LVRN: variants seen among roughly 807,000 people sequenced by gnomAD.
The protein encoded by LVRN is aminopeptidase Q.
LVRN carries 99 observed loss-of-function variants against 111.4 expected under a neutral mutation model. That is an observed-to-expected ratio of 0.89 (90% CI 0.76 to 1.05). The LOEUF is 1.05. LVRN is among the 50% of genes least tolerant of loss of function. The probability of loss-of-function intolerance (pLI) is 0.00; values close to 1 mark genes in which losing one functional copy is unlikely to be tolerated. For missense variants in LVRN, 1,414 were observed against 1,206.8 expected (o/e 1.17, Z -2.54); for synonymous variants, 488 against 449.5 (o/e 1.09, Z -1.08).
At chr5:116,014,383 G>C (rs999019054) in intron 15 of LVRN, 37 bp from the exon 16 acceptor site, 15 of 1,482,962 alleles carry the variant, frequency 1.0e-5, no homozygotes, top group African/African-American at 1.4e-5. Context: ...AGGTGGTAAT[G>C]CAAAATAAAC....
In LVRN at chr5:115,983,291, C is replaced by T. The variant is rs772139459; in HGVS notation, c.700C>T (p.Leu234=). ...VYTDQGERRA[L]LASQLEPTFA... ...TTTCCCCAAAATGTATTTCAGGGCC[C>T]TGTTAGCGTCCCAGCTGGAACCAAC... The change falls in exon 2 of 20, where the codon CTG becomes TTG. Residue 234 remains leucine (L), a synonymous_variant. Transcript: ENST00000357872. 3.2e-6 allele frequency: 5 copies of T among 1,582,656 alleles called. No homozygotes were observed. Among genetic ancestry groups the T allele is most frequent in the Admixed American group, 2.0e-5 (1 of 51,078 alleles).
intron 1 of LVRN, among the ~76,000 whole-genome samples, chr5:115,967,115 T>C (rs1280748484): frequency 3.3e-5 from 5 of 152,210 alleles, no homozygotes; most frequent in Non-Finnish European, 5.9e-5. Context: ...CTTAGTAAGG[T>C]CTTTCAGAGA....
chr5:115,992,351 C>T (rs984424687), intron 5 of LVRN, 74 bp downstream of exon 5: 2 of 1,489,396 alleles, frequency 1.3e-6, no homozygotes, highest in African/African-American at 2.8e-5. Flanking sequence ...GCATAAAAAC[C>T]CCAGTAAGAC....
intron 1 of LVRN, among the ~76,000 whole-genome samples, chr5:115,972,533 C>T (rs535822821): frequency 2.0e-5 from 3 of 151,570 alleles, no homozygotes. Context: ...GTCATACTGT[C>T]TTGAATAAAG....
chr5:115,964,256 C>G (rs1561551076), intron 1 of LVRN, among the ~76,000 whole-genome samples: 1 of 152,136 alleles, frequency 6.6e-6, no homozygotes, highest in East Asian at 1.9e-4. Flanking sequence ...GTACTTTGCC[C>G]TTTATTATTA....
At chr5:115,994,376 A>G (rs551680376) in intron 6 of LVRN, among the ~76,000 whole-genome samples, 26 of 152,238 alleles carry the variant, frequency 1.7e-4, no homozygotes, top group African/African-American at 6.3e-4. Flanking sequence ...GGGCTCAAGC[A>G]GTCCTCCCAC....
intron 1 of LVRN, among the ~76,000 whole-genome samples, chr5:115,978,284 C>T (rs1475997453): frequency 6.6e-6 from 1 of 152,150 alleles, no homozygotes; most frequent in African/African-American, 2.4e-5. Context: ...AGGTGTCAAA[C>T]CCATATATTT....
intron 2 of LVRN, among the ~76,000 whole-genome samples, chr5:115,983,658 T>G (rs1461444407): frequency 6.6e-6 from 1 of 152,190 alleles, no homozygotes; most frequent in Non-Finnish European, 1.5e-5. Context: ...TTCTTATAAA[T>G]GGGCAGTCTG....
chr5:116,009,443 A>G (rs1366658630), intron 13 of LVRN, among the ~76,000 whole-genome samples: 1 of 152,178 alleles, frequency 6.6e-6, no homozygotes, highest in African/African-American at 2.4e-5. Flanking sequence ...TATTTAAGAA[A>G]TACATTTTGT....
intron 1 of LVRN, among the ~76,000 whole-genome samples, chr5:115,965,465 A>T (rs1753182532): frequency 6.6e-6 from 1 of 152,220 alleles, no homozygotes; most frequent in Non-Finnish European, 1.5e-5. Context: ...AGAATTAAAA[A>T]TTTTTAATGA....
chr5:116,010,597 G>T (rs1328843135), intron 13 of LVRN, 144 bp from the exon 14 acceptor site: 6 of 850,562 alleles, frequency 7.1e-6, no homozygotes, highest in African/African-American at 1.7e-5. Flanking sequence ...CTTTCTATAA[G>T]ATGGGACATT....
intron 6 of LVRN, among the ~76,000 whole-genome samples, chr5:115,998,446 C>T (rs4921049): frequency 0.28 from 41,948 of 151,960 alleles, 6,232 homozygotes; most frequent in Non-Finnish European, 0.32. Context: ...ATAAATAGTA[C>T]ATAGGAAAAA....
At chr5:116,025,947 G>A (rs1279706506) in intron 19 of LVRN, 31 bp from the exon 20 acceptor site, 14 of 1,611,836 alleles carry the variant, frequency 8.7e-6, no homozygotes, top group Non-Finnish European at 1.1e-5. Context: ...AAGTTGGATT[G>A]CACTGATCAT....
At chr5:115,978,639 T>C (rs972624991) in intron 1 of LVRN, among the ~76,000 whole-genome samples, 1 of 152,194 alleles carries the variant, frequency 6.6e-6, no homozygotes, top group African/African-American at 2.4e-5. Context: ...TAAACCTCTT[T>C]CTCTCCCACC....
intron 13 of LVRN, among the ~76,000 whole-genome samples, chr5:116,007,694 T>C (rs1580395187): frequency 6.6e-6 from 1 of 152,348 alleles, no homozygotes; most frequent in Middle Eastern, 3.4e-3. Flanking sequence ...TGTACTTTGC[T>C]TTAAGACTTC....
chr5:116,019,310 T>A lies in LVRN; in HGVS notation c.2757-3081T>A, dbSNP rs1218427010. Among the ~76,000 whole-genome samples, 9 of 152,364 alleles carry A rather than the reference T, an allele frequency of 5.9e-5. No individual in the cohort carries two copies. The East Asian group carries it at 1.7e-3, about 29-fold the overall frequency. Reference sequence around the variant, plus strand: ...GGGGATAGGAATTTTGTAGCTCCTTTTTAATCTTGTAGGACCTCCCTCATA... The same window carrying A: ...GGGGATAGGAATTTTGTAGCTCCTTATTAATCTTGTAGGACCTCCCTCATA... On this transcript the variant is annotated intron_variant, in intron 18 of 19. Transcript: ENST00000357872.
intron 18 of LVRN, among the ~76,000 whole-genome samples, chr5:116,017,323 T>A (rs1225161550): frequency 6.6e-6 from 1 of 152,192 alleles, no homozygotes; most frequent in Non-Finnish European, 1.5e-5. Context: ...GCAGTTTTAT[T>A]TTGTGTGCTC....
chr5:115,999,931 T>G (rs940468272), intron 7 of LVRN, 29 bp downstream of exon 7: 2 of 1,591,914 alleles, frequency 1.3e-6, no homozygotes. Flanking sequence ...TTCCTTTGGT[T>G]TTGTACTCTG....
At position 116,013,576 on chromosome 5, in the gene LVRN, T is replaced by G. The variant is rs150839439; in HGVS notation, c.2343-844T>G. Among the ~76,000 whole-genome samples, 10 of 152,204 alleles carry G rather than the reference T, an allele frequency of 6.6e-5. No homozygotes were observed. The East Asian group carries it at 1.9e-3, about 29-fold the overall frequency. Reference sequence around the variant, plus strand: ...GTGAGGAGAGGGGGTGAGTAGAGTATGTAAATGAATGCCTAGAACTGTCTC... The same window carrying G: ...GTGAGGAGAGGGGGTGAGTAGAGTAGGTAAATGAATGCCTAGAACTGTCTC... On this transcript the variant is annotated intron_variant, in intron 15 of 19. Coordinates refer to ENST00000357872, the MANE Select transcript of LVRN (RefSeq NM_173800.5).
Sources: allele counts gnomAD v4.1 joint callset (sites outside exome capture counted in the v4.1 genomes callset), GRCh38; gene constraint gnomAD v4.1.1; transcripts MANE v1.5; gene names NCBI Gene and HGNC (gene_info 2026-07-23, HGNC 2026-07-21).